The following TJP3 variants were observed in gnomAD, a reference collection of about 807,000 sequenced individuals.
The protein encoded by TJP3 is tight junction protein ZO-3.
In TJP3, 85 loss-of-function variants were observed where a neutral mutation model predicts 104.2. The observed-to-expected ratio is 0.82, with a 90% CI of 0.68 to 0.98. The LOEUF (loss-of-function observed/expected upper bound fraction) is 0.98, where lower values mean the gene tolerates loss of function less well. Ranked by LOEUF, TJP3 falls within the 50% of genes least tolerant of loss-of-function variation. The pLI, the probability that TJP3 is intolerant of heterozygous loss-of-function variation, is 0.00. For synonymous variants in TJP3, 550 were observed against 550.6 expected (o/e 1.00, Z 0.02); for missense variants, 1,367 against 1,322.8 (o/e 1.03, Z -0.52).
At chr19:3,749,840 A>G (rs536109022) in intron 19 of TJP3, among the ~76,000 whole-genome samples, 18 of 152,316 alleles carry the variant, frequency 1.2e-4, no homozygotes, top group African/African-American at 4.3e-4. Context: ...CGGAGCAGCC[A>G]CTGTACTAAG....
intron 19 of TJP3, 46 bp from the exon 20 acceptor site, chr19:3,750,092 A>T (rs201971783): frequency 6.8e-6 from 11 of 1,613,346 alleles, no homozygotes; most frequent in Non-Finnish European, 8.5e-6. Context: ...TCGACTCACC[A>T]TGCTCTGGGG....
intron 19 of TJP3, 23 bp from the exon 20 acceptor site, chr19:3,750,115 C>G: frequency 6.2e-7 from 1 of 1,614,020 alleles, no homozygotes; most frequent in African/African-American, 1.3e-5. Flanking sequence ...AGTTTTGAAG[C>G]TCCTCTCTCC....
intron 8 of TJP3, among the ~76,000 whole-genome samples, chr19:3,735,352 A>C (rs561931997): frequency 9.9e-5 from 15 of 151,716 alleles, no homozygotes; most frequent in Non-Finnish European, 1.8e-4. Context: ...GGCGCCCACC[A>C]TCATGCCCGG....
At chr19:3,715,197 C>T (rs1445098861) in intron 1 of TJP3, among the ~76,000 whole-genome samples, 6 of 151,716 alleles carry the variant, frequency 4.0e-5, no homozygotes, top group Non-Finnish European at 7.4e-5. Flanking sequence ...TCACGCCATT[C>T]TCCTGCCTCA....
chr19:3,734,583 T>G, intron 8 of TJP3, 148 bp downstream of exon 8: 1 of 718,562 alleles, frequency 1.4e-6, no homozygotes, highest in Non-Finnish European at 2.2e-6. Context: ...ACCTCCAGCC[T>G]CTACCCATTA....
intron 9 of TJP3, 92 bp downstream of exon 9, chr19:3,735,731 G>A: frequency 1.3e-6 from 2 of 1,592,608 alleles, no homozygotes; most frequent in South Asian, 2.2e-5. Flanking sequence ...GTTGGCCTGA[G>A]CCTAAGTGGT....
intron 1 of TJP3, among the ~76,000 whole-genome samples, chr19:3,713,128 C>T (rs909900224): frequency 3.3e-5 from 5 of 152,170 alleles, no homozygotes; most frequent in East Asian, 1.9e-4. Flanking sequence ...AACCCTGAGA[C>T]GTTCTTCAGC....
At position 3,746,399 on chromosome 19, in the gene TJP3, C is replaced by T. The variant is rs1421111962; in HGVS notation, c.2011-86C>T. On this transcript the variant is annotated intron_variant, in intron 16 of 20. Transcript: ENST00000541714. This position sits in a 1 kb window ranked among gnomAD's most constrained non-coding sequence, Gnocchi z 4.1. Reference sequence around the variant, plus strand: ...TGTGAGAGGCTGGGGTCCACTCTGACCTCAGACTCTTCATCTTTCTATCTT... The same window carrying T: ...TGTGAGAGGCTGGGGTCCACTCTGATCTCAGACTCTTCATCTTTCTATCTT... The T allele has an allele frequency of 1.4e-6, 2 of 1,469,696 alleles. No individual in the cohort carries two copies. Among genetic ancestry groups the T allele is most frequent in the Non-Finnish European group, 1.9e-6 (2 of 1,068,988 alleles). 91.0% of individuals were successfully genotyped at this position (1,469,696 alleles called of 1,614,324 possible).
chr19:3,736,106 C>A, intron 10 of TJP3, 59 bp from the exon 11 acceptor site: 1 of 1,564,216 alleles, frequency 6.4e-7, no homozygotes, highest in South Asian at 1.2e-5. Flanking sequence ...AAGGACAATG[C>A]TGAGCCCTCC....
intron 14 of TJP3, among the ~76,000 whole-genome samples, chr19:3,741,247 C>T (rs529240484): frequency 1.6e-4 from 24 of 152,124 alleles, no homozygotes; most frequent in East Asian, 3.9e-4. Flanking sequence ...ACGATCCACC[C>T]GCTTCAGCCT....
intron 1 of TJP3, among the ~76,000 whole-genome samples, chr19:3,709,735 G>A (rs1035445780): frequency 4.6e-5 from 7 of 152,128 alleles, no homozygotes; most frequent in African/African-American, 1.7e-4. Flanking sequence ...TCGGGAGTCC[G>A]TGGGGGTGGG....
At chr19:3,731,856 G>A (rs1241154786) in intron 5 of TJP3, 79 bp from the exon 6 acceptor site, 13 of 1,226,472 alleles carry the variant, frequency 1.1e-5, no homozygotes, top group African/African-American at 1.0e-4. Context: ...GCCCGCACCT[G>A]GACTGCTTAC....
intron 15 of TJP3, 31 bp from the exon 16 acceptor site, chr19:3,745,980 T>C (rs376759467): frequency 2.2e-5 from 35 of 1,569,306 alleles, no homozygotes; most frequent in Non-Finnish European, 3.0e-5. Context: ...GCTGCCCTCC[T>C]GAAGCTGCTG....
At chr19:3,740,806 C>T in intron 14 of TJP3, 43 bp downstream of exon 14, 2 of 1,481,468 alleles carry the variant, frequency 1.4e-6, no homozygotes, top group Non-Finnish European at 1.8e-6. Flanking sequence ...GCCTCACACA[C>T]AGCTCCTGGT....
At chr19:3,745,593 T>C (rs966378660) in intron 15 of TJP3, among the ~76,000 whole-genome samples, 1 of 152,190 alleles carries the variant, frequency 6.6e-6, no homozygotes, top group African/African-American at 2.4e-5. Context: ...TCTCAGGTCC[T>C]AGAAGACAGA....
intron 1 of TJP3, among the ~76,000 whole-genome samples, chr19:3,719,267 G>C (rs1266611202): frequency 6.6e-6 from 1 of 152,102 alleles, no homozygotes; most frequent in African/African-American, 2.4e-5. Flanking sequence ...ACACAGGGAA[G>C]GGCTGAGTTG....
At chr19:3,715,427 CA>C (rs978959930) in intron 1 of TJP3, among the ~76,000 whole-genome samples, 120 of 152,180 alleles carry the variant, frequency 7.9e-4, no homozygotes, top group African/African-American at 2.8e-3. Flanking sequence ...ATCCGAAGGT[CA>C]GGGGTGGTGG....
intron 1 of TJP3, among the ~76,000 whole-genome samples, chr19:3,718,334 C>G (rs938820532): frequency 6.6e-5 from 10 of 150,962 alleles, no homozygotes; most frequent in Admixed American, 6.0e-4. Context: ...CCTCCCGCCT[C>G]GGCCTTCCAA....
chr19:3,721,042 A>G lies in TJP3; in HGVS notation c.-9-7382A>G, dbSNP rs2036537509. On this transcript the variant is annotated intron_variant, in intron 1 of 20. Transcript: ENST00000541714. ...CCTTCCTCAGCCTCCCGAGTAGCTG[A>G]AGCATGCGCCACCACGCCCGGCTAA... Among the ~76,000 whole-genome samples the G allele has an allele frequency of 2.0e-5, 3 of 151,472 alleles. No individual in the cohort carries two copies. In the East Asian group the frequency reaches 5.9e-4, roughly 30 times the overall value.
Sources: allele counts gnomAD v4.1 joint callset (sites outside exome capture counted in the v4.1 genomes callset), GRCh38; gene constraint gnomAD v4.1.1; non-coding constraint Gnocchi (gnomAD v3.1); transcripts MANE v1.5; gene names NCBI Gene and HGNC (gene_info 2026-07-23, HGNC 2026-07-21).